Variants in DHX36 observed in about 807,000 individuals in gnomAD.
DHX36 encodes the protein DEAH-box helicase 36.
In DHX36, 50 loss-of-function variants were observed where a neutral mutation model predicts 139.0. The observed-to-expected ratio is 0.36, with a 90% CI of 0.29 to 0.46. The LOEUF is 0.46. Among genes scored for constraint, DHX36 ranks in the 20% least tolerant of loss-of-function variants. The pLI, the probability that DHX36 is intolerant of heterozygous loss-of-function variation, is 1.00. For synonymous variants in DHX36, 425 were observed against 401.9 expected, an observed-to-expected ratio of 1.06 and a Z score of -0.69; for missense variants, 1,024 against 1,211.3, an observed-to-expected ratio of 0.85 and a Z score of 2.29.
chr3:154,283,940 T>G (rs990089851), intron 19 of DHX36, among the ~76,000 whole-genome samples: 1 of 152,154 alleles, frequency 6.6e-6, no homozygotes, highest in African/African-American at 2.4e-5. Flanking sequence ...AGTTTATTAA[T>G]GAATAGAAAG....
chr3:154,322,134 G>C (rs879862581), intron 1 of DHX36, among the ~76,000 whole-genome samples: 4 of 152,122 alleles, frequency 2.6e-5, no homozygotes, highest in Non-Finnish European at 5.9e-5. Flanking sequence ...GTAATGAAAA[G>C]TAAAAATAAA....
At chr3:154,302,621 C>G (rs1269399709) in intron 9 of DHX36, among the ~76,000 whole-genome samples, 1 of 151,976 alleles carries the variant, frequency 6.6e-6, no homozygotes, top group Non-Finnish European at 1.5e-5. Context: ...CAGGTTTGCA[C>G]AGTGAAAACA....
intron 17 of DHX36, among the ~76,000 whole-genome samples, chr3:154,288,264 C>G (rs1414978617): frequency 2.7e-5 from 4 of 146,632 alleles, no homozygotes; most frequent in Non-Finnish European, 6.0e-5. Context: ...CCTCAAAGAA[C>G]AAAAAAACCA....
intron 4 of DHX36, among the ~76,000 whole-genome samples, 154 bp downstream of exon 4, chr3:154,311,482 T>C (rs1053925216): frequency 6.6e-6 from 1 of 152,030 alleles, no homozygotes; most frequent in African/African-American, 2.4e-5. Flanking sequence ...CTTTTTTTTC[T>C]TTTTGTCCTT....
At chr3:154,279,103 A>G (rs1559943761) in intron 22 of DHX36, 1 of 152,402 alleles carries the variant, frequency 6.6e-6, no homozygotes, top group African/African-American at 2.4e-5. Flanking sequence ...TCAGCCAACC[A>G]AAGTGCTAGG....
At chr3:154,288,838 A>G in intron 17 of DHX36, 28 bp downstream of exon 17, 1 of 1,334,848 alleles carries the variant, frequency 7.5e-7, no homozygotes, top group South Asian at 1.5e-5. Context: ...TCTAAGTTAG[A>G]ATTAAAAAAA....
At chr3:154,317,843 T>TA (rs1713043422) in intron 1 of DHX36, among the ~76,000 whole-genome samples, 1 of 152,066 alleles carries the variant, frequency 6.6e-6, no homozygotes, top group African/African-American at 2.4e-5. Context: ...GTTTATTTTT[T>TA]ATAGCAATCC....
chr3:154,318,523 AG>A (rs1713073456), intron 1 of DHX36, among the ~76,000 whole-genome samples: 1 of 152,128 alleles, frequency 6.6e-6, no homozygotes, highest in Admixed American at 6.5e-5. Flanking sequence ...CCCCCGGAAA[AG>A]GTGAATTACT....
Position 154,324,470 on chromosome 3 carries a change from G to C in DHX36, c.-54C>G, listed in dbSNP as rs912299169. On this transcript the variant is annotated 5_prime_UTR_variant, in exon 1 of 25. Coordinates refer to ENST00000496811, the MANE Select transcript of DHX36 (RefSeq NM_020865.3). ...CCAGCAACCGCTGGAAATGGCGTCC[G>C]GGCCCGGAAGCCACTGTGCGCCCAC... 7.0e-6 allele frequency: 10 copies of C among 1,436,788 alleles called. No homozygotes were observed. The highest frequency in any genetic ancestry group is 9.1e-6 in the Non-Finnish European group (10 of 1,098,992). The allele number at this position is 1,436,788 out of a possible 1,614,324, so 89.0% of individuals were successfully genotyped here.
At chr3:154,310,504 C>A (rs977817178) in intron 4 of DHX36, among the ~76,000 whole-genome samples, 1 of 151,436 alleles carries the variant, frequency 6.6e-6, no homozygotes, top group African/African-American at 2.4e-5. Context: ...CCACTTAGGC[C>A]GGGCATGGTG....
At chr3:154,316,924 G>A (rs554291809) in intron 1 of DHX36, among the ~76,000 whole-genome samples, 1 of 152,120 alleles carries the variant, frequency 6.6e-6, no homozygotes, top group South Asian at 2.1e-4. Context: ...CAAACCTTAG[G>A]TTCTAACGTG....
intron 12 of DHX36, among the ~76,000 whole-genome samples, chr3:154,295,658 C>T (rs763680369): frequency 6.6e-6 from 1 of 152,138 alleles, no homozygotes; most frequent in Non-Finnish European, 1.5e-5. Context: ...GTATTTTCCC[C>T]AAATTCTTAA....
At chr3:154,278,091 A>C (rs967383156) in intron 22 of DHX36, among the ~76,000 whole-genome samples, 1 of 152,162 alleles carries the variant, frequency 6.6e-6, no homozygotes, top group Non-Finnish European at 1.5e-5. Context: ...TAAAATAATT[A>C]AGTGATTCAT....
intron 17 of DHX36, 103 bp from the exon 18 acceptor site, chr3:154,285,090 C>A: frequency 8.2e-7 from 1 of 1,214,506 alleles, no homozygotes; most frequent in Middle Eastern, 2.1e-4. Context: ...ACTCTCTCTT[C>A]TAAGTCCAAA....
At chr3:154,310,255 T>C (rs183610705) in intron 4 of DHX36, among the ~76,000 whole-genome samples, 70 of 152,312 alleles carry the variant, frequency 4.6e-4, no homozygotes, top group Admixed American at 2.2e-3. Flanking sequence ...GAAGAGAATA[T>C]TGTATTTTAA....
chr3:154,289,602 T>C, intron 16 of DHX36, 107 bp downstream of exon 16: 1 of 703,728 alleles, frequency 1.4e-6, no homozygotes. Context: ...AAATAAATTG[T>C]GAGTTAATAA....
At chr3:154,305,401 C>G (rs1032168957) in intron 6 of DHX36, 1 of 395,880 alleles carries the variant, frequency 2.5e-6, no homozygotes, top group Non-Finnish European at 4.5e-6. Flanking sequence ...TTAAAAGATA[C>G]GACCATTCAC....
At chr3:154,288,624 T>TA (rs945370735) in intron 17 of DHX36, among the ~76,000 whole-genome samples, 19 of 150,892 alleles carry the variant, frequency 1.3e-4, no homozygotes, top group Non-Finnish European at 2.2e-4. Flanking sequence ...AAGCCTACAA[T>TA]AAAAAAAAAT....
At chr3:154,311,229 C>G (rs1712752643) in intron 4 of DHX36, among the ~76,000 whole-genome samples, 1 of 151,890 alleles carries the variant, frequency 6.6e-6, no homozygotes, top group Admixed American at 6.6e-5. Context: ...ATAGGGTAAT[C>G]ATATGTTAAG....
Sources: gnomAD v4.1 joint callset for allele counts (sites outside exome capture counted in the v4.1 genomes callset) on GRCh38, gnomAD v4.1.1 for gene constraint, MANE v1.5 for transcripts, NCBI Gene and HGNC (gene_info 2026-07-23, HGNC 2026-07-21) for gene names.